Variants in OPCML observed in about 807,000 individuals in gnomAD.
OPCML encodes the protein opioid binding protein/cell adhesion molecule like, also known as opioid-binding protein/cell adhesion molecule.
A neutral mutation model predicts 37.8 loss-of-function variants in OPCML; 13 were observed. That is an observed-to-expected ratio of 0.34 (90% CI 0.22 to 0.55). The LOEUF (loss-of-function observed/expected upper bound fraction) is 0.55, where lower values mean the gene tolerates loss of function less well. Ranked by LOEUF, OPCML falls within the 20% of genes least tolerant of loss-of-function variation. The pLI is 0.91. For synonymous variants in OPCML, 176 were observed against 168.8 expected, an observed-to-expected ratio of 1.04 and a Z score of -0.33; for missense variants, 341 against 435.6, an observed-to-expected ratio of 0.78 and a Z score of 1.93.
chr11:132,813,819 A>T (rs746263466), intron 2 of OPCML, among the ~76,000 whole-genome samples: 3 of 151,942 alleles, frequency 2.0e-5, no homozygotes, highest in Non-Finnish European at 4.4e-5. Flanking sequence ...GCTCTCCCCC[A>T]TCCTACCTTC....
intron 1 of OPCML, among the ~76,000 whole-genome samples, chr11:133,028,930 CT>C (rs1947615930): frequency 6.7e-6 from 1 of 150,168 alleles, no homozygotes; most frequent in African/African-American, 2.4e-5. Context: ...AGTAAACAAC[CT>C]ACAGAATGGG....
intron 3 of OPCML, among the ~76,000 whole-genome samples, chr11:132,648,893 A>C (rs1941291392): frequency 6.6e-6 from 1 of 151,914 alleles, no homozygotes; most frequent in African/African-American, 2.4e-5. Flanking sequence ...GACTCCTCCT[A>C]TTTTTATAAT....
chr11:133,410,517 A>G (rs1228231825), intron 1 of OPCML, among the ~76,000 whole-genome samples: 2 of 151,250 alleles, frequency 1.3e-5, no homozygotes, highest in African/African-American at 2.4e-5. Context: ...GAAAGGCTGC[A>G]TAGCATGCTA....
chr11:133,438,670 T>G (rs1260853993), intron 1 of OPCML, among the ~76,000 whole-genome samples: 1 of 152,090 alleles, frequency 6.6e-6, no homozygotes, highest in Non-Finnish European at 1.5e-5. Flanking sequence ...AGGTGACTCT[T>G]TGAGGGCCCT....
intron 2 of OPCML, among the ~76,000 whole-genome samples, chr11:132,722,256 AT>A (rs34373769): frequency 1.0e-3 from 150 of 147,570 alleles, no homozygotes; most frequent in Non-Finnish European, 1.5e-3. Flanking sequence ...CGTCCGGCCT[AT>A]TTTTTTTTTT....
chr11:132,938,373 G>A (rs1945464385), intron 2 of OPCML, among the ~76,000 whole-genome samples: 1 of 152,100 alleles, frequency 6.6e-6, no homozygotes, highest in African/African-American at 2.4e-5. Context: ...TTGACAAGCA[G>A]AAAGAATTCT....
At chr11:132,581,060 A>C (rs2137631797) in intron 3 of OPCML, among the ~76,000 whole-genome samples, 1 of 152,240 alleles carries the variant, frequency 6.6e-6, no homozygotes, top group South Asian at 2.1e-4. Context: ...CAGCATTTTC[A>C]GTCTTTAAAA....
At chr11:133,328,370 G>A (rs557142986) in intron 1 of OPCML, among the ~76,000 whole-genome samples, 20 of 152,090 alleles carry the variant, frequency 1.3e-4, no homozygotes, top group African/African-American at 3.4e-4. Flanking sequence ...GTTGGCCAGC[G>A]TGGTCTCGAA....
chr11:132,689,164 T>C (rs1328670176), intron 2 of OPCML, among the ~76,000 whole-genome samples: 1 of 152,174 alleles, frequency 6.6e-6, no homozygotes, highest in Non-Finnish European at 1.5e-5. Flanking sequence ...ATTTCTAGGC[T>C]TGTTTTCAGA....
intron 1 of OPCML, among the ~76,000 whole-genome samples, chr11:133,219,371 C>G (rs901109655): frequency 6.6e-6 from 1 of 152,206 alleles, no homozygotes; most frequent in Non-Finnish European, 1.5e-5. Context: ...ACACTAGCCA[C>G]CACTTACATG....
chr11:132,699,078 A>G (rs1053724059), intron 2 of OPCML, among the ~76,000 whole-genome samples: 1 of 151,208 alleles, frequency 6.6e-6, no homozygotes, highest in African/African-American at 2.4e-5. Flanking sequence ...CAAGTCTTTT[A>G]CCTCCTGGTT....
At chr11:132,601,324 C>G (rs1937873567) in intron 3 of OPCML, among the ~76,000 whole-genome samples, 1 of 152,088 alleles carries the variant, frequency 6.6e-6, no homozygotes, top group Non-Finnish European at 1.5e-5. Flanking sequence ...CATTTTGAAG[C>G]TCCACCTGGG....
chr11:132,585,367 C>A, intron 3 of OPCML, among the ~76,000 whole-genome samples: 1 of 148,218 alleles, frequency 6.7e-6, no homozygotes, highest in Non-Finnish European at 1.5e-5. Flanking sequence ...GAGGGACTTC[C>A]TTATGTTGAA....
intron 1 of OPCML, among the ~76,000 whole-genome samples, chr11:133,315,913 C>G (rs1457235912): frequency 6.6e-6 from 1 of 152,178 alleles, no homozygotes; most frequent in Non-Finnish European, 1.5e-5. Flanking sequence ...AGTTTCTGCT[C>G]TGTGGTGGGT....
intron 1 of OPCML, among the ~76,000 whole-genome samples, chr11:133,088,117 C>T (rs950167818): frequency 1.3e-5 from 2 of 152,132 alleles, no homozygotes; most frequent in South Asian, 4.1e-4. Context: ...CAGTGGATGG[C>T]ACATTTGACT....
At chr11:132,913,862 A>G (rs1389576951) in intron 2 of OPCML, among the ~76,000 whole-genome samples, 2 of 152,136 alleles carry the variant, frequency 1.3e-5, no homozygotes, top group Non-Finnish European at 2.9e-5. Flanking sequence ...TCCACAAGAG[A>G]AGGTGGGCTA....
At chr11:133,084,143 C>A (rs1176296374) in intron 1 of OPCML, among the ~76,000 whole-genome samples, 1 of 152,022 alleles carries the variant, frequency 6.6e-6, no homozygotes, top group Non-Finnish European at 1.5e-5. Context: ...TAGGGCAGGC[C>A]TTATTGGTTT....
At chr11:132,672,411 A>C (rs1185687788) in intron 2 of OPCML, among the ~76,000 whole-genome samples, 2 of 152,172 alleles carry the variant, frequency 1.3e-5, no homozygotes, top group East Asian at 3.8e-4. Context: ...GGGGTCCTAA[A>C]GTACTCAATC....
intron 4 of OPCML, among the ~76,000 whole-genome samples, chr11:132,441,069 G>A (rs1022931558): frequency 2.0e-5 from 3 of 151,982 alleles, no homozygotes; most frequent in Non-Finnish European, 2.9e-5. Flanking sequence ...AGGAAGGAGA[G>A]GGAGGAGGAA....
Sources: gnomAD v4.1 joint callset for allele counts (sites outside exome capture counted in the v4.1 genomes callset) on GRCh38, gnomAD v4.1.1 for gene constraint, MANE v1.5 for transcripts, NCBI Gene and HGNC (gene_info 2026-07-23, HGNC 2026-07-21) for gene names.